Variants in EIPR1 observed in about 807,000 individuals in gnomAD.
EIPR1 encodes EARP and GARP complex-interacting protein 1.
EIPR1 carries 25 observed loss-of-function variants against 48.1 expected under a neutral mutation model. The ratio of observed to expected loss-of-function variants is 0.52; its 90% CI spans 0.38 to 0.73. The LOEUF is 0.73. Ranked by LOEUF, EIPR1 falls within the 30% of genes least tolerant of loss-of-function variation. EIPR1 has a pLI of 0.00. For missense variants in EIPR1, 415 were observed against 506.2 expected, an observed-to-expected ratio of 0.82 and a Z score of 1.73; for synonymous variants, 204 against 201.9, an observed-to-expected ratio of 1.01 and a Z score of -0.09.
intron 3 of EIPR1, among the ~76,000 whole-genome samples, chr2:3,264,349 C>A (rs1199707820): frequency 6.6e-6 from 1 of 152,170 alleles, no homozygotes; most frequent in Non-Finnish European, 1.5e-5. Context: ...TCCATTTGTA[C>A]CATGTTTCTT....
rs541264637 is a variant in EIPR1 at position 3,237,996 on chromosome 2, T to G, written c.416+19303A>C. The stretch of plus-strand genomic sequence containing the variant: ...TTTCTGGTTTCACAAACCTTCCAAA[T>G]GTGCAAACAGCTTCAACGACAAAGG... On this transcript the variant is annotated intron_variant, in intron 4 of 8. Coordinates refer to ENST00000382125, the MANE Select transcript of EIPR1 (RefSeq NM_003310.5). Among the ~76,000 whole-genome samples the G allele has an allele frequency of 1.5e-4, 23 of 152,264 alleles. No homozygotes were observed. In the East Asian group the frequency reaches 2.9e-3, roughly 19 times the overall value.
At chr2:3,271,333 A>G (rs1259045196) in intron 3 of EIPR1, among the ~76,000 whole-genome samples, 1 of 152,244 alleles carries the variant, frequency 6.6e-6, no homozygotes, top group East Asian at 1.9e-4. Context: ...AATGGCATCT[A>G]GAATGGTGAA....
chr2:3,204,085 G>A (rs963613423), intron 5 of EIPR1, among the ~76,000 whole-genome samples: 3 of 152,260 alleles, frequency 2.0e-5, no homozygotes, highest in Non-Finnish European at 2.9e-5. Flanking sequence ...ACTAACACGA[G>A]GCACTGACCA....
At chr2:3,191,756 G>A (rs906225610) in intron 8 of EIPR1, among the ~76,000 whole-genome samples, 5 of 152,220 alleles carry the variant, frequency 3.3e-5, no homozygotes, top group African/African-American at 1.2e-4. Flanking sequence ...CTGACCAGAG[G>A]CGGGCATGAA....
chr2:3,375,902 T>C (rs1208559709), intron 1 of EIPR1, among the ~76,000 whole-genome samples: 1 of 152,268 alleles, frequency 6.6e-6, no homozygotes, highest in African/African-American at 2.4e-5. Flanking sequence ...GAATGTGATA[T>C]AGCCACTGGT....
At chr2:3,334,742 A>C (rs866803737) in intron 3 of EIPR1, among the ~76,000 whole-genome samples, 42 of 152,366 alleles carry the variant, frequency 2.8e-4, no homozygotes, top group Admixed American at 5.2e-4. Context: ...TGGCAGGAAT[A>C]AAATAGAATT....
intron 3 of EIPR1, among the ~76,000 whole-genome samples, chr2:3,267,570 T>A (rs971030123): frequency 6.6e-6 from 1 of 152,224 alleles, no homozygotes; most frequent in Admixed American, 6.5e-5. Flanking sequence ...TGGCTTCTGA[T>A]ATAAAGATTG....
At chr2:3,323,283 G>A (rs1226758249) in intron 3 of EIPR1, among the ~76,000 whole-genome samples, 2 of 152,188 alleles carry the variant, frequency 1.3e-5, no homozygotes, top group Non-Finnish European at 2.9e-5. Flanking sequence ...CCCCCAGCCA[G>A]GAACGAGGCT....
chr2:3,293,422 C>T (rs1468827164), intron 3 of EIPR1, among the ~76,000 whole-genome samples: 1 of 152,184 alleles, frequency 6.6e-6, no homozygotes, highest in Non-Finnish European at 1.5e-5. Flanking sequence ...TCAGATGTGG[C>T]CTGCTTTTTC....
intron 4 of EIPR1, among the ~76,000 whole-genome samples, chr2:3,222,519 T>A (rs1665928637): frequency 1.6e-5 from 1 of 63,714 alleles, no homozygotes; most frequent in South Asian, 7.2e-4. Flanking sequence ...TAATATTGAT[T>A]TGCTTTAGAA....
At chr2:3,343,336 G>A (rs899070599) in intron 2 of EIPR1, among the ~76,000 whole-genome samples, 2 of 152,206 alleles carry the variant, frequency 1.3e-5, no homozygotes, top group East Asian at 1.9e-4. Context: ...ATAAACATAC[G>A]CAGGTACAGG....
At chr2:3,199,058 AG>A (rs140749873) in intron 5 of EIPR1, among the ~76,000 whole-genome samples, 10,933 of 30,838 alleles carry the variant, frequency 0.35, 4,458 homozygotes, top group Middle Eastern at 0.55. Context: ...GCCATTTTAG[AG>A]GGCCCCCCCC....
intron 2 of EIPR1, among the ~76,000 whole-genome samples, chr2:3,338,827 A>C (rs1670146146): frequency 6.6e-6 from 1 of 152,252 alleles, no homozygotes; most frequent in African/African-American, 2.4e-5. Flanking sequence ...CTTTTAGAGG[A>C]ATTAAAATGA....
rs148407345 is a variant in EIPR1 at position 3,319,394 on chromosome 2, C to T, written c.259+18623G>A. The T allele has an allele frequency of 1.3e-3, 243 of 182,062 alleles. 3 individuals are homozygous for T. The highest frequency in any genetic ancestry group is 2.7e-3 in the Middle Eastern group (1 of 376). 11.3% of individuals were successfully genotyped at this position (182,062 alleles called of 1,614,324 possible). A position where few individuals can be genotyped will look rare whatever the true frequency, so the allele number is the denominator to read the frequency against. On this transcript the variant is annotated intron_variant, in intron 3 of 8. Transcript: ENST00000382125. ...ATCATTCCCAGAAAGCGCCGATCCC[C>T]GTGCCTGGCACATGAGCACTCGATG...
intron 3 of EIPR1, among the ~76,000 whole-genome samples, chr2:3,259,948 G>A (rs913318601): frequency 6.6e-6 from 1 of 152,100 alleles, no homozygotes; most frequent in Non-Finnish European, 1.5e-5. Context: ...TGATAAAGAC[G>A]TAAAGATAAA....
At chr2:3,276,687 A>C (rs1035890755) in intron 3 of EIPR1, among the ~76,000 whole-genome samples, 3 of 152,242 alleles carry the variant, frequency 2.0e-5, no homozygotes, top group African/African-American at 7.2e-5. Flanking sequence ...CCGCATCCCT[A>C]GAATTATGCT....
chr2:3,211,063 CCT>C (rs1665436714), intron 5 of EIPR1, among the ~76,000 whole-genome samples: 1 of 152,136 alleles, frequency 6.6e-6, no homozygotes, highest in African/African-American at 2.4e-5. Flanking sequence ...ACACCAAACC[CCT>C]GTGACATGCA....
chr2:3,338,727 G>A (rs1165551326), intron 2 of EIPR1, among the ~76,000 whole-genome samples: 1 of 152,222 alleles, frequency 6.6e-6, no homozygotes, highest in African/African-American at 2.4e-5. Flanking sequence ...ACAGCCGTTG[G>A]TGTCTATTAT....
At chr2:3,226,151 T>C (rs564581904) in intron 4 of EIPR1, among the ~76,000 whole-genome samples, 95 of 152,374 alleles carry the variant, frequency 6.2e-4, no homozygotes, top group African/African-American at 1.9e-3. Flanking sequence ...TTTGGATATA[T>C]ACCCAGAATG....
Sources: gnomAD v4.1 joint callset for allele counts (sites outside exome capture counted in the v4.1 genomes callset) on GRCh38, gnomAD v4.1.1 for gene constraint, MANE v1.5 for transcripts, NCBI Gene and HGNC (gene_info 2026-07-23, HGNC 2026-07-21) for gene names.